The following TMEM74 variants were observed in gnomAD, a reference collection of about 807,000 sequenced individuals.
TMEM74 encodes transmembrane protein 74.
In TMEM74, 13 loss-of-function variants were observed where a neutral mutation model predicts 18.1. The observed-to-expected ratio is 0.72, with a 90% confidence interval of 0.47 to 1.14. The LOEUF (loss-of-function observed/expected upper bound fraction) is 1.14. TMEM74 is among the 50% of genes most tolerant of loss of function. The pLI, the probability that TMEM74 is intolerant of heterozygous loss-of-function variation, is 0.00. For missense variants in TMEM74, 372 were observed against 375.9 expected, an observed-to-expected ratio of 0.99 and a Z score of 0.09; for synonymous variants, 159 against 146.6, an observed-to-expected ratio of 1.08 and a Z score of -0.61.
chr8:108,651,393 T>A (rs1476348946), intron 2 of TMEM74, among the ~76,000 whole-genome samples: 2 of 152,178 alleles, frequency 1.3e-5, no homozygotes, highest in Non-Finnish European at 2.9e-5. Flanking sequence ...CTGAATATAG[T>A]CTTTAGGCTA....
intron 1 of TMEM74, among the ~76,000 whole-genome samples, chr8:108,732,451 AC>A (rs1436378232): frequency 6.6e-6 from 1 of 152,186 alleles, no homozygotes; most frequent in Non-Finnish European, 1.5e-5. Context: ...CCTAGAATAG[AC>A]AAAAAATTGT....
At chr8:108,740,353 T>C (rs903332778) in intron 1 of TMEM74, among the ~76,000 whole-genome samples, 1 of 152,146 alleles carries the variant, frequency 6.6e-6, no homozygotes. Flanking sequence ...TCTAATGACC[T>C]AACCTTCAAA....
At chr8:108,670,148 A>G (rs1274350069) in intron 1 of TMEM74, among the ~76,000 whole-genome samples, 1 of 152,216 alleles carries the variant, frequency 6.6e-6, no homozygotes, top group East Asian at 1.9e-4. Context: ...TATAAATAAA[A>G]TGTTCACTCT....
chr8:108,764,782 T>TA (rs1563545895), intron 1 of TMEM74, among the ~76,000 whole-genome samples: 1 of 152,170 alleles, frequency 6.6e-6, no homozygotes, highest in Non-Finnish European at 1.5e-5. Flanking sequence ...TATCTCCACT[T>TA]ACAATTTGCT....
chr8:108,636,164 T>C (rs1285574759), intron 2 of TMEM74, among the ~76,000 whole-genome samples: 2 of 152,074 alleles, frequency 1.3e-5, no homozygotes, highest in African/African-American at 2.4e-5. Context: ...GAATATATGC[T>C]GAATAGAATG....
At chr8:108,733,670 A>G (rs1813717858) in intron 1 of TMEM74, among the ~76,000 whole-genome samples, 6 of 152,204 alleles carry the variant, frequency 3.9e-5, no homozygotes, top group Admixed American at 3.9e-4. Flanking sequence ...TATCTTCCAG[A>G]TTTGTTTATT....
At chr8:108,645,359 A>C (rs1812707907) in intron 2 of TMEM74, among the ~76,000 whole-genome samples, 1 of 152,026 alleles carries the variant, frequency 6.6e-6, no homozygotes, top group Admixed American at 6.6e-5. Context: ...ACAATATGGG[A>C]AGGAAGGAGT....
In TMEM74 at chr8:108,709,597, G is replaced by A. The variant is rs147731093; in HGVS notation, n.120-54160C>T. ...TATGCTAGGTGAATAAGCTCTAGGC[G>A]TCTGCTGTACAGAGTAGTGCCTATA... is the stretch of plus-strand genomic sequence containing the variant. On this transcript the variant is annotated intron_variant and non_coding_transcript_variant, in intron 1 of 3. Coordinates refer to the TMEM74 transcript ENST00000518838. Among the ~76,000 whole-genome samples, 236 of 152,214 alleles carry A rather than the reference G, an allele frequency of 1.6e-3. 1 individual carries two copies. The highest frequency in any genetic ancestry group is 5.2e-3 in the African/African-American group (218 of 41,554).
intron 1 of TMEM74, among the ~76,000 whole-genome samples, chr8:108,767,314 T>C (rs1294294324): frequency 6.6e-6 from 1 of 152,210 alleles, no homozygotes; most frequent in Non-Finnish European, 1.5e-5. Context: ...TAGCAAAACA[T>C]GTTCACTATC....
At chr8:108,612,090 T>C (rs1309097205) in intron 2 of TMEM74, among the ~76,000 whole-genome samples, 1 of 152,142 alleles carries the variant, frequency 6.6e-6, no homozygotes, top group East Asian at 1.9e-4. Flanking sequence ...ACCCCCATGA[T>C]TCAATCACCT....
intron 1 of TMEM74, among the ~76,000 whole-genome samples, chr8:108,669,991 T>C (rs1197010563): frequency 7.0e-6 from 1 of 143,164 alleles, no homozygotes; most frequent in Non-Finnish European, 1.5e-5. Context: ...TGAGCCGAGA[T>C]TGCACCACTG....
chr8:108,679,545 T>C (rs1341234484), intron 1 of TMEM74, among the ~76,000 whole-genome samples: 2 of 152,226 alleles, frequency 1.3e-5, no homozygotes, highest in Non-Finnish European at 2.9e-5. Context: ...ATAAATGTCT[T>C]CTTTTGAGAA....
In TMEM74 at chr8:108,699,607, G is replaced by C. The variant is rs1013794486; in HGVS notation, n.120-44170C>G. ...AAGGTAATGAAACACTGGGCCTCCT[G>C]TTCTACTGTTAAGGATGATCTCTGC... On this transcript the variant is annotated intron_variant and non_coding_transcript_variant, in intron 1 of 3. Coordinates refer to the TMEM74 transcript ENST00000518838. Among the ~76,000 whole-genome samples, 3 of 152,136 alleles carry C rather than the reference G, an allele frequency of 2.0e-5. No homozygotes were observed. In the East Asian group the frequency reaches 5.8e-4, roughly 29 times the overall value.
At chr8:108,786,244 T>C (rs1814384035) in intron 1 of TMEM74, among the ~76,000 whole-genome samples, 1 of 152,226 alleles carries the variant, frequency 6.6e-6, no homozygotes, top group Admixed American at 6.5e-5. Flanking sequence ...GGGGCATTTC[T>C]GGGAGAGAAC....
Position 108,617,530 on chromosome 8 carries a change from T to C in TMEM74, n.265-8704A>G, listed in dbSNP as rs572911217. 3.9e-5 allele frequency among the ~76,000 whole-genome samples: 6 copies of C among 152,234 alleles called. No individual in the cohort carries two copies. The South Asian group carries it at 6.2e-4, about 16-fold the overall frequency. On this transcript the variant is annotated intron_variant and non_coding_transcript_variant, in intron 2 of 3. Coordinates refer to the TMEM74 transcript ENST00000518838. ...GTCAGCCTGTCTAAGATTCCTCCAT[T>C]CAAACCTCATTTGGTTGGCTTTTGA... is the stretch of plus-strand genomic sequence containing the variant.
chr8:108,636,970 T>C (rs944264984), intron 2 of TMEM74, among the ~76,000 whole-genome samples: 12 of 152,082 alleles, frequency 7.9e-5, no homozygotes, highest in African/African-American at 2.9e-4. Context: ...AGTAGCTCTC[T>C]ACCCTAGTAA....
At chr8:108,700,323 C>T (rs907601371) in intron 1 of TMEM74, among the ~76,000 whole-genome samples, 14 of 152,266 alleles carry the variant, frequency 9.2e-5, no homozygotes, top group African/African-American at 3.4e-4. Flanking sequence ...CTATTCTACA[C>T]TTACAGAAAA....
At chr8:108,756,640 A>AAG (rs1353084039) in intron 1 of TMEM74, among the ~76,000 whole-genome samples, 27 of 70,464 alleles carry the variant, frequency 3.8e-4, no homozygotes, top group East Asian at 2.2e-3. Context: ...GGAAGGAAGG[A>AAG]AGAAAGAAAG....
chr8:108,674,944 G>A (rs1430337410), intron 1 of TMEM74, among the ~76,000 whole-genome samples: 2 of 152,136 alleles, frequency 1.3e-5, no homozygotes, highest in Non-Finnish European at 2.9e-5. Flanking sequence ...AGCCAGATGA[G>A]CCCAAGGATT....
Sources: allele counts gnomAD v4.1 joint callset (sites outside exome capture counted in the v4.1 genomes callset), GRCh38; gene constraint gnomAD v4.1.1; transcripts MANE v1.5; gene names NCBI Gene and HGNC (gene_info 2026-07-23, HGNC 2026-07-21).